Variants in CREB3L1 observed in about 807,000 individuals in gnomAD.
CREB3L1 encodes the protein cAMP responsive element binding protein 3 like 1.
Under a neutral mutation model 54.5 loss-of-function variants are expected in CREB3L1, and 33 were observed. The observed-to-expected ratio is 0.61, with a 90% CI of 0.46 to 0.81. The LOEUF is 0.81. Among genes scored for constraint, CREB3L1 ranks in the 30% least tolerant of loss-of-function variants. The probability of loss-of-function intolerance (pLI) is 0.00; values close to 1 mark genes in which losing one functional copy is unlikely to be tolerated. For missense variants in CREB3L1, 656 were observed against 673.3 expected (o/e 0.97, Z 0.29); for synonymous variants, 284 against 286.4 (o/e 0.99, Z 0.08).
intron 1 of CREB3L1, among the ~76,000 whole-genome samples, chr11:46,285,729 C>T (rs1440347388): frequency 2.6e-5 from 4 of 152,160 alleles, no homozygotes; most frequent in Non-Finnish European, 5.9e-5. Flanking sequence ...GGCCCAGAAG[C>T]CACTTCACCC....
chr11:46,315,130 C>A, intron 8 of CREB3L1: 1 of 252,194 alleles, frequency 4.0e-6, no homozygotes, highest in South Asian at 4.9e-5. Flanking sequence ...AGCAGGTGCT[C>A]AACACAAGAC....
At chr11:46,287,350 G>A (rs1939068903) in intron 1 of CREB3L1, among the ~76,000 whole-genome samples, 1 of 151,980 alleles carries the variant, frequency 6.6e-6, no homozygotes, top group Admixed American at 6.6e-5. Context: ...CCAGGCTGGA[G>A]TGTAGTGGCA....
intron 9 of CREB3L1, 125 bp from the exon 10 acceptor site, chr11:46,317,236 C>A: frequency 8.0e-7 from 1 of 1,249,912 alleles, no homozygotes; most frequent in Non-Finnish European, 1.1e-6. Context: ...TCGACTGGAG[C>A]AGCTGCTTCC....
chr11:46,305,050 A>G (rs1939359435), intron 2 of CREB3L1, among the ~76,000 whole-genome samples: 1 of 152,136 alleles, frequency 6.6e-6, no homozygotes, highest in South Asian at 2.1e-4. Flanking sequence ...TCAATCAGCC[A>G]CTACTGCCTC....
At chr11:46,289,538 A>T (rs1939103139) in intron 1 of CREB3L1, among the ~76,000 whole-genome samples, 1 of 152,156 alleles carries the variant, frequency 6.6e-6, no homozygotes, top group Non-Finnish European at 1.5e-5. Context: ...GAGGGAGATT[A>T]CTCTTCAAGC....
Position 46,312,635 on chromosome 11 carries a change from TAAG to T in CREB3L1, c.934_936del (p.Lys312del), listed in dbSNP as rs1555222973. The T allele has an allele frequency of 1.2e-6, 2 of 1,611,838 alleles. No homozygotes were observed. The highest frequency in any genetic ancestry group is 1.7e-6 in the Non-Finnish European group (2 of 1,178,912). On this transcript the variant is annotated inframe_deletion, in exon 7 of 12. Coordinates refer to ENST00000621158, the MANE Select transcript of CREB3L1 (RefSeq NM_052854.4). ...AGATCTCAGCCCAGGAGAGCCGTCGTAAGAAGAAGGAGTATGTGGAGTGTCTAG... is the reference window on the plus strand; with the variant it reads ...AGATCTCAGCCCAGGAGAGCCGTCGTAAGAAGGAGTATGTGGAGTGTCTAG...
intron 1 of CREB3L1, among the ~76,000 whole-genome samples, chr11:46,289,838 AG>A (rs1402662725): frequency 6.6e-6 from 1 of 152,184 alleles, no homozygotes; most frequent in East Asian, 1.9e-4. Flanking sequence ...GTTTTTCAGC[AG>A]GCAGGAGGGA....
chr11:46,285,307 G>T (rs1219228111), intron 1 of CREB3L1, among the ~76,000 whole-genome samples: 4 of 152,168 alleles, frequency 2.6e-5, no homozygotes, highest in Non-Finnish European at 5.9e-5. Context: ...CAGCACTCCT[G>T]GGGGCAGGAT....
chr11:46,312,731 C>T (rs894153628), intron 7 of CREB3L1, 61 bp downstream of exon 7: 4 of 1,564,542 alleles, frequency 2.6e-6, no homozygotes, highest in Non-Finnish European at 3.5e-6. Context: ...TCCCCTAGGC[C>T]CTCCCTCAGG....
At chr11:46,290,301 C>T (rs1939111153) in intron 1 of CREB3L1, among the ~76,000 whole-genome samples, 1 of 152,112 alleles carries the variant, frequency 6.6e-6, no homozygotes, top group Non-Finnish European at 1.5e-5. Context: ...CTTCAGGACC[C>T]TCTACTATCA....
chr11:46,320,776 AC>A lies in CREB3L1; in HGVS notation c.*34del. ...TGCCAAGACCCAGGACATAGGACGG[AC>A]CCCTGGTACCCAGAAGAGGAGTTCT... On this transcript the variant is annotated 3_prime_UTR_variant, in exon 12 of 12. Coordinates refer to ENST00000621158, the MANE Select transcript of CREB3L1 (RefSeq NM_052854.4). 3 of 1,606,850 alleles carry A rather than the reference AC, an allele frequency of 1.9e-6. No individual in the cohort carries two copies. The South Asian group carries it at 3.4e-5, about 18-fold the overall frequency.
chr11:46,281,075 G>C (rs1249034258), intron 1 of CREB3L1, among the ~76,000 whole-genome samples: 2 of 152,198 alleles, frequency 1.3e-5, no homozygotes, highest in Non-Finnish European at 2.9e-5. Flanking sequence ...TTTGGAGGTG[G>C]CTGGGCTGCC....
chr11:46,301,812 G>A (rs775079942), intron 2 of CREB3L1, among the ~76,000 whole-genome samples: 12 of 152,168 alleles, frequency 7.9e-5, no homozygotes, highest in Admixed American at 5.9e-4. Flanking sequence ...TTAGCCAGGC[G>A]TGGTGGTGGG....
chr11:46,319,314 G>A (rs1289632693), intron 10 of CREB3L1, among the ~76,000 whole-genome samples: 3 of 152,222 alleles, frequency 2.0e-5, no homozygotes, highest in Non-Finnish European at 4.4e-5. Flanking sequence ...GCAGATCCCA[G>A]GGCCAGGCAG....
chr11:46,317,197 T>TA (rs1299864497), intron 9 of CREB3L1, among the ~76,000 whole-genome samples, 164 bp from the exon 10 acceptor site: 3 of 152,124 alleles, frequency 2.0e-5, no homozygotes, highest in African/African-American at 7.2e-5. Context: ...CCAGAGAGGA[T>TA]AGGAGACCCC....
intron 2 of CREB3L1, among the ~76,000 whole-genome samples, chr11:46,305,807 G>A (rs1231539714): frequency 1.3e-4 from 19 of 146,838 alleles, no homozygotes; most frequent in East Asian, 2.1e-4. Context: ...GCGCAATCTC[G>A]GCTCACTGCA....
intron 1 of CREB3L1, among the ~76,000 whole-genome samples, chr11:46,297,909 T>C (rs1427955804): frequency 2.6e-5 from 4 of 152,232 alleles, no homozygotes; most frequent in Non-Finnish European, 5.9e-5. Flanking sequence ...TAGCAGGCAC[T>C]GTTCTGTGTT....
At chr11:46,315,507 C>G in intron 8 of CREB3L1, 1 of 203,314 alleles carries the variant, frequency 4.9e-6, no homozygotes, top group Non-Finnish European at 1.0e-5. Context: ...TATAAATAAA[C>G]GAAGTGCCGT....
chr11:46,317,571 G>A (rs1939586811), intron 10 of CREB3L1, 84 bp downstream of exon 10: 1 of 1,540,370 alleles, frequency 6.5e-7, no homozygotes, highest in Middle Eastern at 2.2e-4. Context: ...CCAGACATAA[G>A]AGAGAAGCCA....
Sources: gnomAD v4.1 joint callset for allele counts (sites outside exome capture counted in the v4.1 genomes callset) on GRCh38, gnomAD v4.1.1 for gene constraint, MANE v1.5 for transcripts, NCBI Gene and HGNC (gene_info 2026-07-23, HGNC 2026-07-21) for gene names.